Variants in LSAMP observed in about 807,000 individuals in gnomAD.
The protein encoded by LSAMP is limbic system associated membrane protein, also known as limbic system-associated membrane protein.
A neutral mutation model predicts 38.6 loss-of-function variants in LSAMP; 7 were observed. That is an observed-to-expected ratio of 0.18 (90% CI 0.10 to 0.34). The LOEUF is 0.34. LSAMP is among the 10% of genes least tolerant of loss of function. The pLI, the probability that LSAMP is intolerant of heterozygous loss-of-function variation, is 1.00. For synonymous variants in LSAMP, 154 were observed against 166.8 expected, an observed-to-expected ratio of 0.92 and a Z score of 0.59; for missense variants, 313 against 420.0, an observed-to-expected ratio of 0.75 and a Z score of 2.23.
At position 116,445,151 on chromosome 3, in the gene LSAMP, GT is replaced by G; in HGVS notation, c.-121del. Reference sequence around the variant, plus strand: ...AGCGAGCGCAGAGCGGGCTTTGCCAGTTTATGGTCCTTTCCACTTTGCCTCT... The same window carrying G: ...AGCGAGCGCAGAGCGGGCTTTGCCAGTTATGGTCCTTTCCACTTTGCCTCT... On this transcript the variant is annotated 5_prime_UTR_variant, in exon 1 of 7. Transcript: ENST00000490035. The G allele has an allele frequency of 1.0e-6, 1 of 975,698 alleles. No homozygotes were observed. The highest frequency in any genetic ancestry group is 1.5e-6 in the Non-Finnish European group (1 of 667,916). The allele number at this position is 975,698 out of a possible 1,614,324, so 60.4% of individuals were successfully genotyped here. A position where few individuals can be genotyped will look rare whatever the true frequency, so the allele number is the denominator to read the frequency against.
intron 3 of LSAMP, among the ~76,000 whole-genome samples, chr3:115,861,684 C>T (rs918176839): frequency 3.3e-5 from 5 of 151,984 alleles, no homozygotes; most frequent in African/African-American, 4.8e-5. Context: ...AATCACTTGG[C>T]GAATTAGGAG....
chr3:116,118,719 G>C (rs1002211526), intron 1 of LSAMP, among the ~76,000 whole-genome samples: 1 of 152,170 alleles, frequency 6.6e-6, no homozygotes, highest in Non-Finnish European at 1.5e-5. Flanking sequence ...GCCTGATAAA[G>C]AGTAGGAGGT....
intron 1 of LSAMP, among the ~76,000 whole-genome samples, chr3:116,271,430 G>C (rs895186298): frequency 1.3e-5 from 2 of 151,936 alleles, no homozygotes; most frequent in Admixed American, 1.3e-4. Flanking sequence ...TGGGATGAGA[G>C]AAATAACACT....
chr3:116,007,880 A>G (rs188917591), intron 3 of LSAMP, among the ~76,000 whole-genome samples: 7 of 152,232 alleles, frequency 4.6e-5, no homozygotes, highest in Admixed American at 4.6e-4. Flanking sequence ...TTTGGGCCCC[A>G]CACCTAGAGT....
chr3:116,229,920 G>A (rs1159282854), intron 1 of LSAMP, among the ~76,000 whole-genome samples: 1 of 152,166 alleles, frequency 6.6e-6, no homozygotes, highest in African/African-American at 2.4e-5. Context: ...GAATTATAAG[G>A]AGATGGGGTG....
intron 6 of LSAMP, among the ~76,000 whole-genome samples, chr3:115,824,616 C>T (rs987628011): frequency 6.6e-5 from 10 of 151,378 alleles, no homozygotes; most frequent in Non-Finnish European, 1.3e-4. Context: ...GCAGGAGAAT[C>T]GCTGGAACCC....
intron 3 of LSAMP, among the ~76,000 whole-genome samples, chr3:115,949,516 TAGA>T (rs1331711758): frequency 1.3e-5 from 2 of 151,626 alleles, no homozygotes; most frequent in African/African-American, 2.4e-5. Flanking sequence ...ACAGCCCTCC[TAGA>T]TTAACTCAGG....
At chr3:116,020,976 A>T (rs1390918178) in intron 2 of LSAMP, among the ~76,000 whole-genome samples, 1 of 152,164 alleles carries the variant, frequency 6.6e-6, no homozygotes, top group Non-Finnish European at 1.5e-5. Context: ...CAAGCACCTG[A>T]CAGCCAAACG....
At chr3:116,197,406 T>C (rs776897041) in intron 1 of LSAMP, among the ~76,000 whole-genome samples, 2 of 152,140 alleles carry the variant, frequency 1.3e-5, no homozygotes, top group Non-Finnish European at 1.5e-5. Flanking sequence ...TTTTAAACTA[T>C]AGTGCAGGCA....
intron 3 of LSAMP, among the ~76,000 whole-genome samples, chr3:115,993,063 T>A (rs1452666317): frequency 6.6e-6 from 1 of 152,154 alleles, no homozygotes; most frequent in African/African-American, 2.4e-5. Context: ...CTAAGTAGTT[T>A]TTACTCTGTA....
intron 1 of LSAMP, among the ~76,000 whole-genome samples, chr3:116,444,673 G>A (rs2049481095): frequency 6.6e-6 from 1 of 151,166 alleles, no homozygotes; most frequent in Non-Finnish European, 1.5e-5. Flanking sequence ...GAATTCCCTT[G>A]AATTTTGTTA....
At chr3:116,008,201 A>G (rs921417043) in intron 3 of LSAMP, among the ~76,000 whole-genome samples, 3 of 152,210 alleles carry the variant, frequency 2.0e-5, no homozygotes, top group Non-Finnish European at 4.4e-5. Flanking sequence ...CTTTAGGCAA[A>G]TCAACGTTTA....
intron 1 of LSAMP, among the ~76,000 whole-genome samples, chr3:116,147,218 T>C (rs1376399864): frequency 6.6e-6 from 1 of 151,932 alleles, no homozygotes; most frequent in African/African-American, 2.4e-5. Context: ...AAATTTCAAG[T>C]CTCCTATTCA....
chr3:116,203,006 T>G (rs2046008474), intron 1 of LSAMP, among the ~76,000 whole-genome samples: 3 of 152,258 alleles, frequency 2.0e-5, no homozygotes, highest in African/African-American at 7.2e-5. Context: ...CAACCACATT[T>G]TAAAACTATT....
At chr3:116,170,471 AGTT>A (rs1710169752) in intron 1 of LSAMP, among the ~76,000 whole-genome samples, 1 of 152,214 alleles carries the variant, frequency 6.6e-6, no homozygotes, top group Non-Finnish European at 1.5e-5. Flanking sequence ...TGGATAAAAA[AGTT>A]ATTATTATGA....
chr3:116,395,563 G>C (rs1036233704), intron 1 of LSAMP, among the ~76,000 whole-genome samples: 3 of 152,154 alleles, frequency 2.0e-5, no homozygotes, highest in Non-Finnish European at 2.9e-5. Flanking sequence ...TTAACTACTA[G>C]ACAGCACAGA....
chr3:115,940,989 T>C (rs1283072031), intron 3 of LSAMP, among the ~76,000 whole-genome samples: 1 of 152,148 alleles, frequency 6.6e-6, no homozygotes, highest in African/African-American at 2.4e-5. Flanking sequence ...ACAAGATAAA[T>C]AGGCAACCTA....
intron 1 of LSAMP, among the ~76,000 whole-genome samples, chr3:116,246,157 T>C (rs2046603235): frequency 1.3e-5 from 2 of 152,356 alleles, no homozygotes; most frequent in South Asian, 4.1e-4. Context: ...CAAAAGTCGA[T>C]GCTCCCTTTA....
intron 3 of LSAMP, among the ~76,000 whole-genome samples, chr3:115,937,375 T>A (rs1486973129): frequency 1.3e-5 from 2 of 152,146 alleles, no homozygotes; most frequent in South Asian, 2.1e-4. Context: ...GCATGGTAGC[T>A]CATACCTGTA....
Sources: allele counts gnomAD v4.1 joint callset (sites outside exome capture counted in the v4.1 genomes callset), GRCh38; gene constraint gnomAD v4.1.1; transcripts MANE v1.5; gene names NCBI Gene and HGNC (gene_info 2026-07-23, HGNC 2026-07-21).